The following WDPCP variants were observed in gnomAD, a reference collection of about 807,000 sequenced individuals.
The protein encoded by WDPCP is WD repeat-containing and planar cell polarity effector protein fritz homolog.
WDPCP carries 71 observed loss-of-function variants against 93.1 expected under a neutral mutation model. That is an observed-to-expected ratio of 0.76 (90% CI 0.63 to 0.93). WDPCP has a LOEUF of 0.93. Among genes scored for constraint, WDPCP ranks in the 40% least tolerant of loss-of-function variants. The pLI is 0.00. For missense variants in WDPCP, 844 were observed against 887.4 expected (o/e 0.95, Z 0.62); for synonymous variants, 315 against 315.0 (o/e 1.00, Z 0.00).
intron 17 of WDPCP, among the ~76,000 whole-genome samples, chr2:63,148,299 T>A (rs1024058121): frequency 5.9e-5 from 9 of 152,104 alleles, no homozygotes; most frequent in Non-Finnish European, 1.3e-4. Flanking sequence ...TGCACTCCAG[T>A]CTGGGTGACA....
chr2:63,614,861 T>C (rs964318526), intron 3 of WDPCP, among the ~76,000 whole-genome samples: 4 of 152,222 alleles, frequency 2.6e-5, no homozygotes, highest in African/African-American at 9.6e-5. Flanking sequence ...GATCATACCC[T>C]GTATCCAATC....
At chr2:63,770,011 C>T (rs1342886057) in intron 2 of WDPCP, among the ~76,000 whole-genome samples, 2 of 151,736 alleles carry the variant, frequency 1.3e-5, no homozygotes, top group African/African-American at 4.8e-5. Context: ...ATGTATGAGT[C>T]TGAACAAATT....
At chr2:63,413,569 G>A (rs1321673073) in intron 9 of WDPCP, among the ~76,000 whole-genome samples, 2 of 152,154 alleles carry the variant, frequency 1.3e-5, no homozygotes, top group African/African-American at 4.8e-5. Flanking sequence ...AGGCCGAGAC[G>A]AGCGGATCAT....
At chr2:63,277,300 C>T (rs556833330) in intron 13 of WDPCP, among the ~76,000 whole-genome samples, 3 of 152,200 alleles carry the variant, frequency 2.0e-5, no homozygotes, top group African/African-American at 7.2e-5. Flanking sequence ...CTCAGAGGAC[C>T]TACATAACAA....
At chr2:63,467,336 C>T (rs761438134) in intron 6 of WDPCP, among the ~76,000 whole-genome samples, 7 of 150,326 alleles carry the variant, frequency 4.7e-5, no homozygotes, top group South Asian at 2.1e-4. Flanking sequence ...ACAAATAAGC[C>T]GGGCATGGTG....
chr2:63,801,238 T>C (rs1251600263), intron 2 of WDPCP, among the ~76,000 whole-genome samples: 4 of 152,160 alleles, frequency 2.6e-5, no homozygotes, highest in Admixed American at 2.6e-4. Flanking sequence ...AAAAAATACA[T>C]TTCCAAGATG....
chr2:63,197,756 TA>T (rs1418458776), intron 14 of WDPCP, among the ~76,000 whole-genome samples: 3 of 152,202 alleles, frequency 2.0e-5, no homozygotes, highest in Non-Finnish European at 4.4e-5. Flanking sequence ...TTGTTTCACT[TA>T]ATATAATGGC....
intron 1 of WDPCP, among the ~76,000 whole-genome samples, chr2:63,572,355 G>A (rs761842341): frequency 6.6e-6 from 1 of 152,098 alleles, no homozygotes; most frequent in Non-Finnish European, 1.5e-5. Context: ...ATTTGCCCCA[G>A]ATAAAAAGGG....
Position 63,484,930 on chromosome 2 carries a change from A to G in WDPCP, c.311T>C (p.Leu104Pro), listed in dbSNP as rs1443820481. The G allele has an allele frequency of 6.2e-7, 1 of 1,612,530 alleles. No individual in the cohort carries two copies. The highest frequency in any genetic ancestry group is 1.7e-5 in the Admixed American group (1 of 59,790). ...NRRPEKLRDS[L>P]KELEELMQNS... ...TTTGAAAGATACCTCCAACTCTTTG[A>G]GCGAGTCTCGGAGTTTTTCTGGGCG... Residue 104 changes from leucine to proline, a missense_variant, in exon 5 of 18, where the codon CTC becomes CCC. Transcript: ENST00000272321.
rs113005263 is a variant in WDPCP, at chr2:63,281,000, T to A, written c.1813-21591A>T. 2.1e-3 allele frequency among the ~76,000 whole-genome samples: 323 copies of A among 151,978 alleles called. 1 individual carries two copies. The highest frequency in any genetic ancestry group is 7.5e-3 in the African/African-American group (311 of 41,452). ...ATGGGACTTAATTAAACTAAAAAAG[T>A]TTTTCTGCACTGGAAAAGAAATAAT... is the stretch of plus-strand genomic sequence containing the variant. On this transcript the variant is annotated intron_variant, in intron 13 of 17. Transcript: ENST00000272321.
chr2:63,511,333 A>G (rs986510924), intron 1 of WDPCP, among the ~76,000 whole-genome samples: 2 of 152,238 alleles, frequency 1.3e-5, no homozygotes, highest in Non-Finnish European at 2.9e-5. Flanking sequence ...AAAGTAATTT[A>G]TAGATTCAAT....
intron 1 of WDPCP, among the ~76,000 whole-genome samples, chr2:63,562,875 A>T (rs1484966298): frequency 6.6e-6 from 1 of 152,066 alleles, no homozygotes; most frequent in Non-Finnish European, 1.5e-5. Flanking sequence ...TCAACATTTC[A>T]TTGTTTTCTG....
chr2:63,824,810 T>C (rs1208555165), intron 1 of WDPCP, among the ~76,000 whole-genome samples: 1 of 151,836 alleles, frequency 6.6e-6, no homozygotes, highest in Non-Finnish European at 1.5e-5. Context: ...ATCAAATAGA[T>C]GAGAAAAAGA....
At chr2:63,206,162 A>C (rs1442407510) in intron 14 of WDPCP, among the ~76,000 whole-genome samples, 1 of 152,200 alleles carries the variant, frequency 6.6e-6, no homozygotes, top group Non-Finnish European at 1.5e-5. Context: ...CTTTCCTCCC[A>C]GGAATAAATT....
At chr2:63,344,042 A>AT (rs558582615) in intron 12 of WDPCP, among the ~76,000 whole-genome samples, 154 of 148,912 alleles carry the variant, frequency 1.0e-3, no homozygotes, top group South Asian at 3.0e-3. Context: ...GATACGTTCT[A>AT]TTTTTTTTTC....
chr2:63,658,797 G>A (rs1441872707), intron 2 of WDPCP, among the ~76,000 whole-genome samples: 1 of 152,176 alleles, frequency 6.6e-6, no homozygotes, highest in African/African-American at 2.4e-5. Flanking sequence ...CCACAAGTAT[G>A]AGCCACTTTT....
At chr2:63,230,803 G>T (rs1198027424) in intron 14 of WDPCP, among the ~76,000 whole-genome samples, 2 of 152,090 alleles carry the variant, frequency 1.3e-5, no homozygotes, top group African/African-American at 4.8e-5. Flanking sequence ...TTGTGAATTT[G>T]TTTAAGTTCT....
At chr2:63,344,769 G>A (rs1558498125) in intron 12 of WDPCP, among the ~76,000 whole-genome samples, 2 of 152,172 alleles carry the variant, frequency 1.3e-5, no homozygotes, top group South Asian at 4.1e-4. Flanking sequence ...CTCTGTATCA[G>A]TTCCTCTGGA....
chr2:63,451,336 A>C (rs936653480), intron 6 of WDPCP, among the ~76,000 whole-genome samples: 8 of 152,194 alleles, frequency 5.3e-5, no homozygotes, highest in Admixed American at 3.9e-4. Flanking sequence ...ATAAACTAGA[A>C]AATCTAGAAG....
Sources: allele counts gnomAD v4.1 joint callset (sites outside exome capture counted in the v4.1 genomes callset), GRCh38; gene constraint gnomAD v4.1.1; transcripts MANE v1.5; gene names NCBI Gene and HGNC (gene_info 2026-07-23, HGNC 2026-07-21).